CSGALNACT2: variants seen among roughly 807,000 people sequenced by gnomAD.
CSGALNACT2 encodes chondroitin sulfate N-acetylgalactosaminyltransferase 2, also known as beta 4 GalNAcT-2.
In CSGALNACT2, 35 loss-of-function variants were observed where a neutral mutation model predicts 55.3. The ratio of observed to expected loss-of-function variants is 0.63; its 90% CI spans 0.48 to 0.84. The LOEUF (loss-of-function observed/expected upper bound fraction) is 0.84. CSGALNACT2 is among the 40% of genes least tolerant of loss of function. The pLI, the probability that CSGALNACT2 is intolerant of heterozygous loss-of-function variation, is 0.00. For synonymous variants in CSGALNACT2, 196 were observed against 224.9 expected (o/e 0.87, Z 1.15); for missense variants, 544 against 657.5 (o/e 0.83, Z 1.89).
At chr10:43,180,056 C>A (rs999413029) in intron 7 of CSGALNACT2, among the ~76,000 whole-genome samples, 1 of 152,138 alleles carries the variant, frequency 6.6e-6, no homozygotes, top group Non-Finnish European at 1.5e-5. Flanking sequence ...CCACCTCTGC[C>A]CTATGAGCAG....
In CSGALNACT2 at chr10:43,155,204, C is replaced by CT; in HGVS notation, c.57dup (p.Ala20CysfsTer20). 6.2e-7 allele frequency: 1 copy of CT among 1,614,140 alleles called. No individual in the cohort carries two copies. Among genetic ancestry groups the CT allele is most frequent in the African/African-American group, 1.3e-5 (1 of 75,024 alleles). On this transcript the variant is annotated frameshift_variant, in exon 2 of 8. Coordinates refer to ENST00000374466, the MANE Select transcript of CSGALNACT2 (RefSeq NM_018590.5). LOFTEE classifies it high-confidence loss of function. ...CCGGACCCACTGGTTGCTGTTGGGC[C>CT]TTGCTTTGCTCTGCAGTTTGGTATT...
chr10:43,177,492 G>T (rs1839503521), intron 7 of CSGALNACT2, among the ~76,000 whole-genome samples: 1 of 152,082 alleles, frequency 6.6e-6, no homozygotes, highest in Non-Finnish European at 1.5e-5. Flanking sequence ...CCTCTTCTGG[G>T]AATTTAATAG....
intron 1 of CSGALNACT2, among the ~76,000 whole-genome samples, chr10:43,149,963 A>G (rs985794653): frequency 2.6e-4 from 40 of 152,182 alleles, no homozygotes; most frequent in African/African-American, 9.6e-4. Flanking sequence ...GCTACTCGGC[A>G]GGCTGAGGCA....
chr10:43,166,073 A>G (rs907196075), intron 5 of CSGALNACT2, among the ~76,000 whole-genome samples: 36 of 152,240 alleles, frequency 2.4e-4, no homozygotes, highest in Non-Finnish European at 5.9e-5. Flanking sequence ...TAATTAGGTT[A>G]GAGATAGTTT....
At chr10:43,142,749 C>T (rs911701199) in intron 1 of CSGALNACT2, among the ~76,000 whole-genome samples, 3 of 152,120 alleles carry the variant, frequency 2.0e-5, no homozygotes, top group African/African-American at 7.2e-5. Flanking sequence ...AGGAATTTTG[C>T]TAATGATAAA....
intron 5 of CSGALNACT2, among the ~76,000 whole-genome samples, chr10:43,164,364 T>A (rs1280087456): frequency 6.6e-6 from 1 of 152,108 alleles, no homozygotes; most frequent in Non-Finnish European, 1.5e-5. Flanking sequence ...AAGCAGATGG[T>A]ATGGAGATGT....
intron 1 of CSGALNACT2, among the ~76,000 whole-genome samples, chr10:43,145,466 C>T (rs12258585): frequency 0.19 from 24,983 of 131,896 alleles, 2,367 homozygotes; most frequent in Middle Eastern, 0.33. Flanking sequence ...TTGGTGCGAT[C>T]GTAGCTCACT....
Position 43,176,416 on chromosome 10 carries a change from C to T in CSGALNACT2, c.1336+384C>T, listed in dbSNP as rs1839482192. Among the ~76,000 whole-genome samples the T allele has an allele frequency of 2.0e-5, 3 of 151,548 alleles. No homozygotes were observed. In the South Asian group the frequency reaches 6.3e-4, roughly 32 times the overall value. On this transcript the variant is annotated intron_variant, in intron 7 of 7. Coordinates refer to ENST00000374466, the MANE Select transcript of CSGALNACT2 (RefSeq NM_018590.5). ...CTTGGTTATCTAGACCAAGGACTTT[C>T]ACATTTTTTTGAGATGAAACCTCCT... is the stretch of plus-strand genomic sequence containing the variant.
intron 2 of CSGALNACT2, among the ~76,000 whole-genome samples, chr10:43,156,387 C>T (rs981590372): frequency 5.3e-5 from 8 of 152,184 alleles, no homozygotes; most frequent in African/African-American, 1.9e-4. Context: ...GGATGTGACT[C>T]AGAGGTTGAA....
At chr10:43,158,414 A>G (rs1839065580) in intron 2 of CSGALNACT2, among the ~76,000 whole-genome samples, 1 of 152,204 alleles carries the variant, frequency 6.6e-6, no homozygotes, top group Non-Finnish European at 1.5e-5. Flanking sequence ...TTTATTTATC[A>G]TGATTACCAT....
intron 4 of CSGALNACT2, chr10:43,163,145 T>G (rs1194081528): frequency 1.0e-6 from 1 of 985,250 alleles, no homozygotes; most frequent in Non-Finnish European, 1.2e-6. Flanking sequence ...CACTCACCAC[T>G]GAATTCAACA....
intron 3 of CSGALNACT2, 22 bp from the exon 4 acceptor site, chr10:43,160,472 T>G (rs890348617): frequency 7.9e-7 from 1 of 1,271,922 alleles, no homozygotes. Context: ...TTGAATAAAC[T>G]TTTATTTTTC....
chr10:43,164,845 C>CA (rs762322937), intron 5 of CSGALNACT2, among the ~76,000 whole-genome samples: 1,455 of 68,262 alleles, frequency 0.021, 13 homozygotes, highest in African/African-American at 0.043. Context: ...GACTCCATCT[C>CA]AAAAAAAAAA....
intron 1 of CSGALNACT2, among the ~76,000 whole-genome samples, chr10:43,139,983 C>G (rs1353634305): frequency 1.3e-5 from 2 of 152,016 alleles, no homozygotes; most frequent in Non-Finnish European, 2.9e-5. Flanking sequence ...ATCACTTGGT[C>G]AGGAGTTCGA....
intron 1 of CSGALNACT2, among the ~76,000 whole-genome samples, chr10:43,142,338 A>C (rs2133086899): frequency 6.6e-6 from 1 of 152,106 alleles, no homozygotes; most frequent in Admixed American, 6.5e-5. Context: ...CGGCTTCCTG[A>C]GTAGCTGGGA....
chr10:43,161,174 C>A (rs1839140061), intron 4 of CSGALNACT2, among the ~76,000 whole-genome samples: 1 of 152,186 alleles, frequency 6.6e-6, no homozygotes, highest in Admixed American at 6.5e-5. Flanking sequence ...ATTATTAATT[C>A]TTTAGCCTCT....
At chr10:43,169,030 C>T (rs1839329510) in intron 6 of CSGALNACT2, among the ~76,000 whole-genome samples, 1 of 152,198 alleles carries the variant, frequency 6.6e-6, no homozygotes, top group South Asian at 2.1e-4. Context: ...AAACATGCTT[C>T]TCTAGGTGTG....
intron 7 of CSGALNACT2, among the ~76,000 whole-genome samples, chr10:43,181,266 T>A (rs1350251584): frequency 6.6e-6 from 1 of 152,220 alleles, no homozygotes; most frequent in Non-Finnish European, 1.5e-5. Flanking sequence ...TAAGTTGGAA[T>A]TCTTTGTATC....
At chr10:43,145,361 G>A (rs972474389) in intron 1 of CSGALNACT2, among the ~76,000 whole-genome samples, 3 of 144,596 alleles carry the variant, frequency 2.1e-5, no homozygotes, top group Admixed American at 2.1e-4. Context: ...CCCTAGTTAT[G>A]TAAGTTAGTT....
Sources: gnomAD v4.1 joint callset for allele counts (sites outside exome capture counted in the v4.1 genomes callset) on GRCh38, gnomAD v4.1.1 for gene constraint, MANE v1.5 for transcripts, NCBI Gene and HGNC (gene_info 2026-07-23, HGNC 2026-07-21) for gene names.